Variants in METTL2B observed in about 807,000 individuals in gnomAD.
METTL2B encodes the protein methyltransferase 2B, tRNA N3-cytidine.
In METTL2B, 28 loss-of-function variants were observed where a neutral mutation model predicts 51.0. That is an observed-to-expected ratio of 0.55 (90% CI 0.41 to 0.75). The LOEUF is 0.75. Among genes scored for constraint, METTL2B ranks in the 30% least tolerant of loss-of-function variants. METTL2B has a pLI of 0.00. For missense variants in METTL2B, 313 were observed against 460.7 expected, an observed-to-expected ratio of 0.68 and a Z score of 2.93; for synonymous variants, 128 against 166.3, an observed-to-expected ratio of 0.77 and a Z score of 1.77.
At chr7:128,492,196 G>A (rs1428896854) in intron 5 of METTL2B, among the ~76,000 whole-genome samples, 3 of 149,848 alleles carry the variant, frequency 2.0e-5, no homozygotes, top group Non-Finnish European at 4.4e-5. Flanking sequence ...TAGCTCTGTC[G>A]CCCAGGCTGG....
At chr7:128,491,895 T>C (rs1203003087) in intron 5 of METTL2B, among the ~76,000 whole-genome samples, 6 of 152,236 alleles carry the variant, frequency 3.9e-5, no homozygotes, top group African/African-American at 1.4e-4. Flanking sequence ...CTATCTTTAC[T>C]TCAGTTTTTG....
At chr7:128,487,484 T>G (rs575935831) in intron 4 of METTL2B, among the ~76,000 whole-genome samples, 1 of 152,248 alleles carries the variant, frequency 6.6e-6, no homozygotes, top group East Asian at 1.9e-4. Flanking sequence ...GGAAGCAATT[T>G]TGATGGTTTT....
chr7:128,480,451 T>C (rs1038589102), intron 3 of METTL2B, among the ~76,000 whole-genome samples, 196 bp from the exon 4 acceptor site: 1 of 152,244 alleles, frequency 6.6e-6, no homozygotes, highest in Non-Finnish European at 1.5e-5. Flanking sequence ...TAAAAACCCA[T>C]GTTCTTGTCT....
chr7:128,496,099 A>G (rs1057154274), intron 6 of METTL2B, among the ~76,000 whole-genome samples: 12 of 152,186 alleles, frequency 7.9e-5, no homozygotes, highest in African/African-American at 2.7e-4. Context: ...TGCTGGCTGC[A>G]CAGGATAGGA....
intron 3 of METTL2B, among the ~76,000 whole-genome samples, chr7:128,480,330 A>G (rs553964108): frequency 3.9e-5 from 6 of 152,324 alleles, no homozygotes; most frequent in East Asian, 1.9e-4. Flanking sequence ...TATTTTCACA[A>G]TAATAATATA....
At chr7:128,480,459 TC>T (rs1488004719) in intron 3 of METTL2B, among the ~76,000 whole-genome samples, 187 bp from the exon 4 acceptor site, 8 of 152,252 alleles carry the variant, frequency 5.3e-5, no homozygotes, top group African/African-American at 1.9e-4. Flanking sequence ...CATGTTCTTG[TC>T]TTTTAAGGGT....
In METTL2B at chr7:128,504,821, A is replaced by C. The variant is rs6943285; in HGVS notation, c.*2905A>C. 1 of 150,748 alleles carries C rather than the reference A, an allele frequency of 6.6e-6. No homozygotes were observed. Among genetic ancestry groups the C allele is most frequent in the Non-Finnish European group, 1.5e-5 (1 of 67,688 alleles). 9.3% of individuals were successfully genotyped at this position (150,748 alleles called of 1,614,324 possible). A position where few individuals can be genotyped will look rare whatever the true frequency, so the allele number is the denominator to read the frequency against. On this transcript the variant is annotated 3_prime_UTR_variant, in exon 9 of 9. Transcript: ENST00000262432. The stretch of plus-strand genomic sequence containing the variant: ...CCCATCTCTGCTAACAATACAGACC[A>C]GGCATGGTGGCTCACACCTGTAATC...
chr7:128,493,673 A>G, intron 5 of METTL2B, 131 bp from the exon 6 acceptor site: 1 of 1,366,842 alleles, frequency 7.3e-7, no homozygotes, highest in South Asian at 1.5e-5. Context: ...CCTCAAGAAA[A>G]AAAAGAAAAA....
intron 4 of METTL2B, among the ~76,000 whole-genome samples, chr7:128,482,666 C>T (rs4728112): frequency 5.5e-4 from 84 of 152,198 alleles, no homozygotes; most frequent in African/African-American, 1.8e-3. Flanking sequence ...CCCAAATACC[C>T]GGGATTACAG....
intron 6 of METTL2B, among the ~76,000 whole-genome samples, chr7:128,495,741 C>T (rs1023452699): frequency 2.0e-5 from 3 of 152,212 alleles, no homozygotes; most frequent in African/African-American, 7.2e-5. Context: ...GCATGAGCCA[C>T]TGCACCTGAC....
In METTL2B at chr7:128,503,122, T is replaced by A. The variant is rs539975128; in HGVS notation, c.*1206T>A. On this transcript the variant is annotated 3_prime_UTR_variant, in exon 9 of 9. Coordinates refer to ENST00000262432, the MANE Select transcript of METTL2B (RefSeq NM_018396.3). ...TCTCCACTAAAAATACCAAAAAAAA[T>A]AGCTGGGCATGGTGGCATGCGCCTG... is the stretch of plus-strand genomic sequence containing the variant. 1.2e-3 allele frequency: 183 copies of A among 152,426 alleles called. 3 individuals are homozygous for A. The highest frequency in any genetic ancestry group is 0.011 in the Admixed American group (162 of 15,304). The allele number at this position is 152,426 out of a possible 1,614,324, so 9.4% of individuals were successfully genotyped here.
intron 8 of METTL2B, chr7:128,501,298 G>T: frequency 1.0e-6 from 1 of 985,442 alleles, no homozygotes; most frequent in Middle Eastern, 5.2e-4. Flanking sequence ...GCTTTGGTGT[G>T]CCTGGGTCAG....
chr7:128,489,701 T>A (rs1427643031), intron 5 of METTL2B, among the ~76,000 whole-genome samples: 1 of 141,376 alleles, frequency 7.1e-6, no homozygotes, highest in East Asian at 2.2e-4. Flanking sequence ...GGATCTCGGC[T>A]CACTGCAAGC....
intron 3 of METTL2B, among the ~76,000 whole-genome samples, chr7:128,480,171 A>AATGT (rs1471592957): frequency 6.6e-6 from 1 of 152,204 alleles, no homozygotes; most frequent in Non-Finnish European, 1.5e-5. Context: ...GGATGGAGAT[A>AATGT]ATGTATGTAA....
rs760785211 is a variant in METTL2B, at chr7:128,501,860, T to C, written c.1081T>C (p.Tyr361His). 1.4e-5 allele frequency: 23 copies of C among 1,614,080 alleles called. No individual in the cohort carries two copies. Among genetic ancestry groups the C allele is most frequent in the Non-Finnish European group, 1.4e-5 (16 of 1,180,060 alleles). ...GAACCGAGGGAAGCAACTGACAATG[T>C]ACCGGGTTTGGATTCAGTGCAAATA... ...QVNRGKQLTM[Y>H]RVWIQCKYCK... The change falls in exon 9 of 9, where the codon TAC becomes CAC. Residue 361 changes from tyrosine to histidine, a missense_variant. Physicochemically the swap from Tyr to His is moderately conservative, Grantham distance 83. This residue lies in a region of METTL2B where 138 missense variants were observed against 187.6 expected (regional missense o/e 0.74). Coordinates refer to ENST00000262432, the MANE Select transcript of METTL2B (RefSeq NM_018396.3).
At chr7:128,482,831 G>A (rs1454913161) in intron 4 of METTL2B, among the ~76,000 whole-genome samples, 1 of 152,202 alleles carries the variant, frequency 6.6e-6, no homozygotes, top group East Asian at 1.9e-4. Context: ...ATGGCTCCTG[G>A]CCCTATAGCT....
intron 4 of METTL2B, among the ~76,000 whole-genome samples, chr7:128,481,228 G>GT (rs1011630292): frequency 6.6e-6 from 1 of 152,196 alleles, no homozygotes. Context: ...AATGTGCAGG[G>GT]TTTTTGCCAA....
chr7:128,495,808 G>A lies in METTL2B; in HGVS notation c.809+1865G>A, dbSNP rs537986652. The stretch of plus-strand genomic sequence containing the variant: ...ATGGTGGCTAAGAGATTCAGATACC[G>A]TGGACTAATTCCATGGAAGCCCTTG... On this transcript the variant is annotated intron_variant, in intron 6 of 8. Transcript: ENST00000262432. Among the ~76,000 whole-genome samples the A allele has an allele frequency of 2.3e-4, 35 of 152,266 alleles. 3 individuals carry two copies. The highest frequency in any genetic ancestry group is 7.2e-4 in the African/African-American group (30 of 41,568).
intron 6 of METTL2B, among the ~76,000 whole-genome samples, chr7:128,494,581 T>C (rs920010963): frequency 1.3e-5 from 2 of 152,208 alleles, no homozygotes; most frequent in Non-Finnish European, 2.9e-5. Flanking sequence ...AACTGTGAAC[T>C]GTGGGTGTCA....
Sources: gnomAD v4.1 joint callset for allele counts (sites outside exome capture counted in the v4.1 genomes callset) on GRCh38, gnomAD v4.1.1 for gene constraint, gnomAD v4.1.1 regional missense constraint, MANE v1.5 for transcripts, NCBI Gene and HGNC (gene_info 2026-07-23, HGNC 2026-07-21) for gene names.